Variants in SNTG1 observed in about 807,000 individuals in gnomAD.
The protein encoded by SNTG1 is gamma-1-syntrophin.
In SNTG1, 39 loss-of-function variants were observed where a neutral mutation model predicts 74.7. The observed-to-expected ratio is 0.52, with a 90% CI of 0.40 to 0.68. The LOEUF is 0.68. Ranked by LOEUF, SNTG1 falls within the 30% of genes least tolerant of loss-of-function variation. The pLI is 0.00. For synonymous variants in SNTG1, 254 were observed against 217.1 expected (o/e 1.17, Z -1.49); for missense variants, 685 against 609.5 (o/e 1.12, Z -1.30).
chr8:50,532,816 A>T (rs1276846099), intron 10 of SNTG1, among the ~76,000 whole-genome samples: 1 of 152,186 alleles, frequency 6.6e-6, no homozygotes, highest in Non-Finnish European at 1.5e-5. Context: ...TATATTATAG[A>T]CAGTCTATTT....
intron 13 of SNTG1, among the ~76,000 whole-genome samples, chr8:50,626,286 G>C (rs903183234): frequency 6.6e-6 from 1 of 152,172 alleles, no homozygotes; most frequent in African/African-American, 2.4e-5. Flanking sequence ...ACTCATTGAA[G>C]TAGACAACAA....
chr8:50,229,674 T>C lies in SNTG1; in HGVS notation c.-28+57039T>C, dbSNP rs529021700. 2.6e-5 allele frequency among the ~76,000 whole-genome samples: 4 copies of C among 151,394 alleles called. No homozygotes were observed. In the East Asian group the frequency reaches 7.8e-4, roughly 29 times the overall value. ...TTATCACCCTTTTTTTTAAGTAACA[T>C]TGATTAAGCAGGCAAAAATTTCATT... On this transcript the variant is annotated intron_variant, in intron 2 of 18. Coordinates refer to ENST00000642720, the MANE Select transcript of SNTG1 (RefSeq NM_018967.5).
Position 50,070,505 on chromosome 8 carries a change from A to G in SNTG1, c.-102-102056A>G, listed in dbSNP as rs148601899. On this transcript the variant is annotated intron_variant, in intron 1 of 18. Transcript: ENST00000642720. Reference sequence around the variant, plus strand: ...AACCATTAAATCAGATGACATAAATACCCATGCACCTGTGAATTACTGGTC... The same window carrying G: ...AACCATTAAATCAGATGACATAAATGCCCATGCACCTGTGAATTACTGGTC... 2.0e-5 allele frequency among the ~76,000 whole-genome samples: 3 copies of G among 152,298 alleles called. No individual in the cohort carries two copies. In the East Asian group the frequency reaches 5.8e-4, roughly 29 times the overall value.
intron 5 of SNTG1, among the ~76,000 whole-genome samples, chr8:50,446,930 G>A (rs974485397): frequency 6.6e-6 from 1 of 152,090 alleles, no homozygotes; most frequent in African/African-American, 2.4e-5. Flanking sequence ...GCAAATTCAT[G>A]ATAAAGTTTA....
intron 13 of SNTG1, among the ~76,000 whole-genome samples, chr8:50,615,842 G>A (rs776634217): frequency 2.6e-5 from 4 of 152,190 alleles, no homozygotes; most frequent in South Asian, 2.1e-4. Flanking sequence ...AAGAGGCAAC[G>A]CATTTGTCAG....
chr8:50,367,349 A>G (rs938107089), intron 2 of SNTG1, among the ~76,000 whole-genome samples: 2 of 152,106 alleles, frequency 1.3e-5, no homozygotes, highest in Admixed American at 1.3e-4. Flanking sequence ...ATAATTCATT[A>G]AATTCCCACA....
intron 4 of SNTG1, among the ~76,000 whole-genome samples, chr8:50,407,633 T>C (rs762299346): frequency 6.6e-5 from 10 of 152,198 alleles, no homozygotes; most frequent in Non-Finnish European, 1.0e-4. Flanking sequence ...AAGAAAGTGT[T>C]ACAGTTCAGT....
intron 1 of SNTG1, among the ~76,000 whole-genome samples, chr8:50,163,007 G>T (rs1228072907): frequency 6.6e-6 from 1 of 152,196 alleles, no homozygotes; most frequent in Non-Finnish European, 1.5e-5. Flanking sequence ...GGTGCCATGT[G>T]GCTGCTTCCA....
chr8:50,617,584 A>T (rs1239323772), intron 13 of SNTG1, among the ~76,000 whole-genome samples: 2 of 152,160 alleles, frequency 1.3e-5, no homozygotes, highest in Non-Finnish European at 2.9e-5. Flanking sequence ...AAGTTAAAGA[A>T]GGAAGGGGTG....
chr8:50,126,808 G>T (rs932451938), intron 1 of SNTG1, among the ~76,000 whole-genome samples: 2 of 152,028 alleles, frequency 1.3e-5, no homozygotes, highest in Non-Finnish European at 2.9e-5. Flanking sequence ...AAGCCCATGA[G>T]CTATATGGGC....
intron 1 of SNTG1, among the ~76,000 whole-genome samples, chr8:50,010,108 T>C (rs1344334620): frequency 6.6e-6 from 1 of 152,214 alleles, no homozygotes; most frequent in Non-Finnish European, 1.5e-5. Flanking sequence ...AATCAGTTTG[T>C]TTTAAAAGAA....
chr8:49,962,713 G>A (rs1214084026), intron 1 of SNTG1, among the ~76,000 whole-genome samples: 1 of 152,126 alleles, frequency 6.6e-6, no homozygotes, highest in Non-Finnish European at 1.5e-5. Context: ...TTCTGCCTCA[G>A]CCTCCTGAGT....
chr8:50,553,059 C>T lies in SNTG1; in HGVS notation c.690C>T (p.Ala230=), dbSNP rs751128244. 6.2e-7 allele frequency: 1 copy of T among 1,613,792 alleles called. No individual in the cohort carries two copies. Among genetic ancestry groups the T allele is most frequent in the South Asian group, 1.1e-5 (1 of 91,068 alleles). Residue 230 remains alanine (A), a synonymous_variant, in exon 12 of 19, where the codon GCC becomes GCT. Transcript: ENST00000642720. The part of the protein sequence containing the change: ...VPGTDLSRQN[A]FQVIAVDGVC... ...TTCTGAACATCTGCAGGCAGAATGCCTTTCAAGTCATTGCTGTGGATGGGG... is the reference window on the plus strand; with the variant it reads ...TTCTGAACATCTGCAGGCAGAATGCTTTTCAAGTCATTGCTGTGGATGGGG...
intron 4 of SNTG1, among the ~76,000 whole-genome samples, chr8:50,415,126 C>T (rs1310491351): frequency 6.6e-6 from 1 of 152,060 alleles, no homozygotes; most frequent in East Asian, 1.9e-4. Context: ...AACTTCTCAC[C>T]TTAAAAGAAA....
At chr8:50,308,819 A>G (rs1424952403) in intron 2 of SNTG1, among the ~76,000 whole-genome samples, 1 of 152,170 alleles carries the variant, frequency 6.6e-6, no homozygotes, top group East Asian at 1.9e-4. Context: ...CTATTTAGAC[A>G]TTTTTGTTCT....
chr8:50,305,694 G>A (rs2089862189), intron 2 of SNTG1, among the ~76,000 whole-genome samples: 1 of 150,168 alleles, frequency 6.7e-6, no homozygotes, highest in African/African-American at 2.4e-5. Flanking sequence ...TTTTTATTTA[G>A]TTTATCTAAA....
At chr8:50,330,745 AG>A (rs1484029470) in intron 2 of SNTG1, among the ~76,000 whole-genome samples, 8 of 152,206 alleles carry the variant, frequency 5.3e-5, no homozygotes, top group Admixed American at 5.2e-4. Context: ...AAGAAGGGGA[AG>A]GGGGCACAGT....
intron 13 of SNTG1, among the ~76,000 whole-genome samples, chr8:50,654,356 T>C (rs937890931): frequency 6.6e-6 from 1 of 152,210 alleles, no homozygotes. Context: ...TAGCTGCTTT[T>C]TAATGTGTTG....
intron 4 of SNTG1, among the ~76,000 whole-genome samples, chr8:50,405,137 C>A (rs756524276): frequency 6.6e-6 from 1 of 152,048 alleles, no homozygotes; most frequent in Non-Finnish European, 1.5e-5. Flanking sequence ...GTTTGAGTCA[C>A]CACTTTCAAT....
Sources: gnomAD v4.1 joint callset for allele counts (sites outside exome capture counted in the v4.1 genomes callset) on GRCh38, gnomAD v4.1.1 for gene constraint, MANE v1.5 for transcripts, NCBI Gene and HGNC (gene_info 2026-07-23, HGNC 2026-07-21) for gene names.